Variants in FER observed in about 807,000 individuals in gnomAD.
FER encodes FER tyrosine kinase.
In FER, 63 loss-of-function variants were observed where a neutral mutation model predicts 111.0. The observed-to-expected ratio is 0.57, with a 90% confidence interval of 0.46 to 0.70. The LOEUF (loss-of-function observed/expected upper bound fraction) is 0.70. FER is among the 30% of genes least tolerant of loss of function. The pLI, the probability that FER is intolerant of heterozygous loss-of-function variation, is 0.00. For missense variants in FER, 914 were observed against 954.0 expected, an observed-to-expected ratio of 0.96 and a Z score of 0.55; for synonymous variants, 327 against 313.9, an observed-to-expected ratio of 1.04 and a Z score of -0.44.
intron 16 of FER, among the ~76,000 whole-genome samples, chr5:109,049,384 T>C (rs771227871): frequency 6.6e-6 from 1 of 152,204 alleles, no homozygotes; most frequent in Non-Finnish European, 1.5e-5. Flanking sequence ...TGCAGCTATA[T>C]GTCTAAAGTT....
intron 17 of FER, among the ~76,000 whole-genome samples, chr5:109,145,619 G>A (rs1399149984): frequency 6.6e-6 from 1 of 151,944 alleles, no homozygotes; most frequent in East Asian, 1.9e-4. Context: ...CATCTTGATT[G>A]CCAGCAAGAT....
chr5:108,988,100 C>T (rs991144751), intron 13 of FER, among the ~76,000 whole-genome samples: 16 of 152,032 alleles, frequency 1.1e-4, no homozygotes, highest in African/African-American at 3.9e-4. Context: ...CGTTTATTGA[C>T]TTGTGTATGT....
At chr5:109,111,204 G>T (rs1325594233) in intron 17 of FER, among the ~76,000 whole-genome samples, 1 of 152,052 alleles carries the variant, frequency 6.6e-6, no homozygotes, top group Non-Finnish European at 1.5e-5. Context: ...TCCATCTGGG[G>T]TCTCTGGTTT....
chr5:108,972,955 A>G (rs1760864107), intron 13 of FER, among the ~76,000 whole-genome samples: 1 of 152,136 alleles, frequency 6.6e-6, no homozygotes, highest in Admixed American at 6.5e-5. Context: ...AACTTCATAA[A>G]TGTTTTTGAG....
chr5:109,181,748 T>G lies in FER; in HGVS notation c.2203+847T>G, dbSNP rs181690967. Among the ~76,000 whole-genome samples, 278 of 152,288 alleles carry G rather than the reference T, an allele frequency of 1.8e-3. 1 individual carries two copies. Among genetic ancestry groups the G allele is most frequent in the African/African-American group, 6.2e-3 (258 of 41,572 alleles). On this transcript the variant is annotated intron_variant, in intron 18 of 19. Transcript: ENST00000281092. Reference sequence around the variant, plus strand: ...ATTAGAGAAAGCTTTTTTAAAAAATTGAGGTGAAATTCACATACCATAAAA... The same window carrying G: ...ATTAGAGAAAGCTTTTTTAAAAAATGGAGGTGAAATTCACATACCATAAAA...
intron 17 of FER, among the ~76,000 whole-genome samples, chr5:109,172,674 G>A (rs540222680): frequency 1.7e-3 from 262 of 152,118 alleles, no homozygotes; most frequent in Admixed American, 2.9e-3. Context: ...ATGTTTCTGT[G>A]AACTGAAGAG....
At chr5:109,062,557 ATTATG>A (rs1204285456) in intron 16 of FER, among the ~76,000 whole-genome samples, 2 of 151,982 alleles carry the variant, frequency 1.3e-5, no homozygotes, top group African/African-American at 2.4e-5. Context: ...AACAATATAT[ATTATG>A]TTATATGTAA....
intron 3 of FER, among the ~76,000 whole-genome samples, chr5:108,822,256 C>CT (rs1242214944): frequency 6.6e-6 from 1 of 151,954 alleles, no homozygotes; most frequent in African/African-American, 2.4e-5. Context: ...ACTATAATTT[C>CT]TTTATCTATT....
chr5:108,834,859 T>G (rs1473202371), intron 4 of FER, among the ~76,000 whole-genome samples: 1 of 152,156 alleles, frequency 6.6e-6, no homozygotes, highest in Non-Finnish European at 1.5e-5. Context: ...TCAAGAACAT[T>G]GGTGATACAG....
chr5:109,065,230 G>A (rs1288636491), intron 16 of FER, among the ~76,000 whole-genome samples: 2 of 152,078 alleles, frequency 1.3e-5, no homozygotes, highest in Non-Finnish European at 2.9e-5. Context: ...AGCCCATACT[G>A]TTTTTCCAAG....
intron 9 of FER, among the ~76,000 whole-genome samples, chr5:108,897,250 A>G (rs763217842): frequency 6.6e-6 from 1 of 152,014 alleles, no homozygotes; most frequent in Non-Finnish European, 1.5e-5. Flanking sequence ...GATTTTATTT[A>G]TTTTACCCTA....
At chr5:108,894,666 C>A in intron 9 of FER, 1 of 241,992 alleles carries the variant, frequency 4.1e-6, no homozygotes, top group Non-Finnish European at 8.3e-6. Context: ...AGAAAGAGGA[C>A]AGGGGAAAGG....
In FER at chr5:108,954,908, A is replaced by G. The variant is rs1204293315; in HGVS notation, c.1509A>G (p.Arg503=). 1 of 1,609,372 alleles carries G rather than the reference A, an allele frequency of 6.2e-7. No homozygotes were observed. The highest frequency in any genetic ancestry group is 1.3e-5 in the African/African-American group (1 of 74,732). The change falls in exon 12 of 20, where the codon AGA becomes AGG. Residue 503 remains arginine, a synonymous_variant. Coordinates refer to ENST00000281092, the MANE Select transcript of FER (RefSeq NM_005246.4). ...CTGTATATTCTGATGGACAGAGGAGACATTTTATCATACAATATGTTGATG... is the reference window on the plus strand; with the variant it reads ...CTGTATATTCTGATGGACAGAGGAGGCATTTTATCATACAATATGTTGATG... ...VLSVYSDGQR[R]HFIIQYVDNM... is the part of the protein sequence containing the mutation.
chr5:108,947,859 A>T (rs1398258032), intron 11 of FER, among the ~76,000 whole-genome samples: 1 of 151,626 alleles, frequency 6.6e-6, no homozygotes, highest in Non-Finnish European at 1.5e-5. Context: ...GGAGTGAGGT[A>T]CAGGTTCAAA....
intron 2 of FER, among the ~76,000 whole-genome samples, chr5:108,781,977 G>A (rs1754138841): frequency 6.6e-6 from 1 of 151,796 alleles, no homozygotes; most frequent in South Asian, 2.1e-4. Flanking sequence ...TGATTTACTG[G>A]AGGTGAAACT....
chr5:108,976,535 G>A (rs920442140), intron 13 of FER, among the ~76,000 whole-genome samples: 6 of 151,964 alleles, frequency 3.9e-5, no homozygotes, highest in African/African-American at 1.5e-4. Context: ...GGGGTGACGG[G>A]TGCTGACCCC....
intron 13 of FER, among the ~76,000 whole-genome samples, chr5:109,006,128 T>C (rs1765464745): frequency 6.6e-6 from 1 of 152,234 alleles, no homozygotes; most frequent in Non-Finnish European, 1.5e-5. Context: ...AAGACTATTT[T>C]GTAAATGATG....
Position 108,883,405 on chromosome 5 carries a change from G to A in FER, c.933G>A (p.Thr311=), listed in dbSNP as rs374674458. 38 of 1,603,930 alleles carry A rather than the reference G, an allele frequency of 2.4e-5. No individual in the cohort carries two copies. The highest frequency in any genetic ancestry group is 3.4e-5 in the South Asian group (3 of 89,536). Residue 311 remains threonine (T), a synonymous_variant, in exon 9 of 20, where the codon ACG becomes ACA. Coordinates refer to ENST00000281092, the MANE Select transcript of FER (RefSeq NM_005246.4). ...TAESLQVMLK[T]LAEELMQTQQ... ...ATACTGTTTATTCTAGGTTGAAAAC[G>A]TTAGCGGAAGAACTTATGCAAACAC... is the stretch of plus-strand genomic sequence containing the variant.
chr5:109,060,759 G>GGTGT (rs577713883), intron 16 of FER, among the ~76,000 whole-genome samples: 15 of 134,752 alleles, frequency 1.1e-4, no homozygotes, highest in Non-Finnish European at 1.9e-4. Context: ...GCGTATGTGT[G>GGTGT]GTGTGTGTGT....
Sources: allele counts gnomAD v4.1 joint callset (sites outside exome capture counted in the v4.1 genomes callset), GRCh38; gene constraint gnomAD v4.1.1; transcripts MANE v1.5; gene names NCBI Gene and HGNC (gene_info 2026-07-23, HGNC 2026-07-21).